PTER: variants seen among roughly 807,000 people sequenced by gnomAD.
PTER encodes the protein phosphotriesterase related.
Under a neutral mutation model 29.6 loss-of-function variants are expected in PTER, and 38 were observed. The observed-to-expected ratio is 1.28, with a 90% CI of 0.99 to 1.68. PTER has a LOEUF of 1.68. Ranked by LOEUF, PTER falls within the 40% of genes most tolerant of loss-of-function variation. The pLI, the probability that PTER is intolerant of heterozygous loss-of-function variation, is 0.00. For synonymous variants in PTER, 172 were observed against 154.5 expected (o/e 1.11, Z -0.84); for missense variants, 482 against 427.8 (o/e 1.13, Z -1.12).
At chr10:16,447,387 C>T (rs2133366723) in intron 1 of PTER, among the ~76,000 whole-genome samples, 1 of 152,126 alleles carries the variant, frequency 6.6e-6, no homozygotes, top group African/African-American at 2.4e-5. Flanking sequence ...AGGTGTGAAC[C>T]ACTGCACTAA....
intron 1 of PTER, among the ~76,000 whole-genome samples, chr10:16,481,676 T>G (rs1194452714): frequency 6.6e-6 from 1 of 152,158 alleles, no homozygotes; most frequent in Non-Finnish European, 1.5e-5. Flanking sequence ...ACTCACAGCT[T>G]GTGAGCTTGA....
In PTER at chr10:16,505,046, T is replaced by G; in HGVS notation, c.725T>G (p.Leu242Trp). Residue 242 changes from leucine (L) to tryptophan (W), a missense_variant, in exon 4 of 5, where the codon TTG (leucine) becomes TGG (tryptophan). By Grantham distance (61) the Leu-to-Trp change is moderately conservative. Coordinates refer to ENST00000535784, the MANE Select transcript of PTER (RefSeq NM_001261836.2). ...ACTATTCTTGATAAGAAAGAGCTCT[T>G]GGAGTTTGCTCAACTTGGCTGCTAC... ...DRTILDKKEL[L>W]EFAQLGCYLE... 1 of 1,614,000 alleles carries G rather than the reference T, an allele frequency of 6.2e-7. No individual in the cohort carries two copies.
At chr10:16,463,338 A>AATTGGGATTATCATGATAAATGTTT (rs1413028289) in intron 1 of PTER, among the ~76,000 whole-genome samples, 3 of 152,076 alleles carry the variant, frequency 2.0e-5, no homozygotes, top group Non-Finnish European at 2.9e-5. Flanking sequence ...GATAAATGTT[A>AATTGGGATTATCATGATAAATGTTT]ATTGGGATTA....
At chr10:16,515,172 T>C (rs1564416799), downstream of PTER, among the ~76,000 whole-genome samples, 1 of 151,384 alleles carries the variant, frequency 6.6e-6, no homozygotes, top group Non-Finnish European at 1.5e-5. Flanking sequence ...AATTGAGGTA[T>C]GTAATAGCTA....
intron 1 of PTER, among the ~76,000 whole-genome samples, chr10:16,473,541 A>AC (rs1486352237): frequency 2.0e-5 from 3 of 150,654 alleles, no homozygotes; most frequent in African/African-American, 4.9e-5. Context: ...AAAAAAAAAA[A>AC]AAAAAACAGT....
intron 1 of PTER, among the ~76,000 whole-genome samples, chr10:16,461,205 T>A (rs1447970149): frequency 6.6e-6 from 1 of 152,142 alleles, no homozygotes; most frequent in Admixed American, 6.6e-5. Context: ...AGGTGCTCAA[T>A]TAAGCTATGG....
At chr10:16,439,681 A>G (rs1177854556) in intron 1 of PTER, among the ~76,000 whole-genome samples, 1 of 152,238 alleles carries the variant, frequency 6.6e-6, no homozygotes, top group Non-Finnish European at 1.5e-5. Flanking sequence ...CCATTCATAC[A>G]GGAGGAATGT....
At chr10:16,460,482 C>A (rs998218504) in intron 1 of PTER, among the ~76,000 whole-genome samples, 6 of 151,998 alleles carry the variant, frequency 3.9e-5, no homozygotes, top group Non-Finnish European at 7.4e-5. Flanking sequence ...ATTCTAAAGT[C>A]AAATAGTATT....
intron 4 of PTER, among the ~76,000 whole-genome samples, chr10:16,508,103 C>T (rs1374608764): frequency 3.1e-5 from 4 of 127,976 alleles, no homozygotes; most frequent in African/African-American, 1.2e-4. Context: ...GAGACTTGCT[C>T]TGTCGCCCAG....
At chr10:16,460,648 T>A (rs1242566799) in intron 1 of PTER, among the ~76,000 whole-genome samples, 1 of 152,240 alleles carries the variant, frequency 6.6e-6, no homozygotes, top group East Asian at 1.9e-4. Context: ...AGCAGTAGAT[T>A]TGTAATTTGA....
chr10:16,489,972 G>T (rs144929517), intron 3 of PTER, among the ~76,000 whole-genome samples: 5 of 152,286 alleles, frequency 3.3e-5, no homozygotes, highest in Non-Finnish European at 7.3e-5. Context: ...AGACAAGACT[G>T]AGAAAGATAC....
At chr10:16,508,070 C>CTTTTTTTTTTTTTTTTTTTTTTT (rs56800279) in intron 4 of PTER, among the ~76,000 whole-genome samples, 2 of 127,880 alleles carry the variant, frequency 1.6e-5, no homozygotes, top group African/African-American at 3.1e-5. Context: ...TTTTCTTTTT[C>CTTTTTTTTTTTTTTTTTTTTTTT]TTTTTTTTTT....
chr10:16,437,389 G>A (rs1311850376), intron 1 of PTER: 3 of 149,712 alleles, frequency 2.0e-5, no homozygotes, highest in African/African-American at 7.4e-5. Flanking sequence ...CCAGGCTAGA[G>A]TGCATTTGGC....
Position 16,505,069 on chromosome 10 carries a change from T to C in PTER, c.748T>C (p.Tyr250His). 1.2e-6 allele frequency: 2 copies of C among 1,614,078 alleles called. No individual in the cohort carries two copies. The highest frequency in any genetic ancestry group is 1.7e-6 in the Non-Finnish European group (2 of 1,179,930). Residue 250 changes from tyrosine to histidine, a missense_variant, in exon 4 of 5, where the codon TAC becomes CAC. Tyr to His is a moderately conservative substitution (Grantham distance 83). Transcript: ENST00000535784. ...ELLEFAQLGC[Y>H]LEYDLFGTEL... ...CTTGGAGTTTGCTCAACTTGGCTGCTACTTGGAATATGATCTCTTTGGTAC... is the reference window on the plus strand; with the variant it reads ...CTTGGAGTTTGCTCAACTTGGCTGCCACTTGGAATATGATCTCTTTGGTAC...
At chr10:16,464,482 C>T (rs1174644705) in intron 1 of PTER, among the ~76,000 whole-genome samples, 1 of 152,104 alleles carries the variant, frequency 6.6e-6, no homozygotes, top group African/African-American at 2.4e-5. Context: ...CTTGTGTTTC[C>T]TGACTCGTCT....
At chr10:16,482,130 G>A (rs146937927) in intron 1 of PTER, among the ~76,000 whole-genome samples, 7 of 152,164 alleles carry the variant, frequency 4.6e-5, no homozygotes, top group African/African-American at 1.7e-4. Context: ...AAAATCAATG[G>A]CCATGTTAGC....
intron 1 of PTER, among the ~76,000 whole-genome samples, chr10:16,441,067 A>T (rs528660246): frequency 3.3e-5 from 5 of 152,298 alleles, no homozygotes; most frequent in Admixed American, 6.5e-5. Context: ...TTTAATCAAG[A>T]GTGGCAAAAA....
At chr10:16,475,922 A>T (rs1835243446) in intron 1 of PTER, 1 of 152,252 alleles carries the variant, frequency 6.6e-6, no homozygotes, top group African/African-American at 2.4e-5. Flanking sequence ...TTTTGAAAGA[A>T]CAAGTTTATG....
chr10:16,491,668 C>CA (rs1196749791), intron 3 of PTER, among the ~76,000 whole-genome samples: 16 of 150,260 alleles, frequency 1.1e-4, no homozygotes, highest in Non-Finnish European at 1.5e-4. Flanking sequence ...CATTAAAAAC[C>CA]AAAAAAAAAG....
Sources: allele counts gnomAD v4.1 joint callset (sites outside exome capture counted in the v4.1 genomes callset), GRCh38; gene constraint gnomAD v4.1.1; transcripts MANE v1.5; gene names NCBI Gene and HGNC (gene_info 2026-07-23, HGNC 2026-07-21).